Variants in SHISA6 observed in about 807,000 individuals in gnomAD.
SHISA6 encodes shisa family member 6.
In SHISA6, 22 loss-of-function variants were observed where a neutral mutation model predicts 47.9. The observed-to-expected ratio is 0.46, with a 90% CI of 0.33 to 0.66. The LOEUF (loss-of-function observed/expected upper bound fraction) is 0.66. Ranked by LOEUF, SHISA6 falls within the 30% of genes least tolerant of loss-of-function variation. The pLI is 0.02. For synonymous variants in SHISA6, 388 were observed against 337.8 expected (o/e 1.15, Z -1.63); for missense variants, 680 against 764.6 (o/e 0.89, Z 1.30).
intron 3 of SHISA6, among the ~76,000 whole-genome samples, chr17:11,428,786 T>C (rs979393636): frequency 1.4e-5 from 2 of 146,142 alleles, no homozygotes; most frequent in Admixed American, 1.4e-4. Context: ...TTTCTTTTTT[T>C]TTTTTTTTTT....
rs566012582 is a variant in SHISA6, at chr17:11,264,575, C to A, written c.799+1049C>A. On this transcript the variant is annotated intron_variant, in intron 2 of 5. Coordinates refer to ENST00000441885, the MANE Select transcript of SHISA6 (RefSeq NM_207386.4). Reference sequence around the variant, plus strand: ...CCTCTTACTGGTACTAATCCTAGTCCCAGAGAAAGCTTTTACTTTGATGCT... The same window carrying A: ...CCTCTTACTGGTACTAATCCTAGTCACAGAGAAAGCTTTTACTTTGATGCT... 9.9e-5 allele frequency among the ~76,000 whole-genome samples: 15 copies of A among 152,200 alleles called. No homozygotes were observed. In the East Asian group the frequency reaches 2.9e-3, roughly 29 times the overall value.
At chr17:11,260,003 T>C (rs1908166175) in intron 1 of SHISA6, among the ~76,000 whole-genome samples, 1 of 152,216 alleles carries the variant, frequency 6.6e-6, no homozygotes, top group Admixed American at 6.5e-5. Flanking sequence ...AGGGATAGGA[T>C]GGGAATCACA....
intron 5 of SHISA6, among the ~76,000 whole-genome samples, chr17:11,556,352 T>C (rs1398547429): frequency 6.6e-6 from 1 of 152,162 alleles, no homozygotes; most frequent in African/African-American, 2.4e-5. Context: ...CCTGAGATCC[T>C]TCACCTCCCA....
At chr17:11,468,499 T>C (rs1597533400) in intron 3 of SHISA6, among the ~76,000 whole-genome samples, 1 of 151,728 alleles carries the variant, frequency 6.6e-6, no homozygotes, top group Admixed American at 6.6e-5. Flanking sequence ...TGGAGGCTGG[T>C]TTTCATCTGA....
chr17:11,377,425 C>T (rs1229250190), intron 2 of SHISA6, among the ~76,000 whole-genome samples: 4 of 152,142 alleles, frequency 2.6e-5, no homozygotes, highest in African/African-American at 7.2e-5. Context: ...TCCTGATGCA[C>T]GAAGGCATTA....
At chr17:11,272,026 C>T (rs185154894) in intron 2 of SHISA6, among the ~76,000 whole-genome samples, 2 of 152,278 alleles carry the variant, frequency 1.3e-5, no homozygotes, top group Admixed American at 1.3e-4. Context: ...CACTTATCTA[C>T]ACCTGCTGCC....
chr17:11,328,378 T>G (rs1042919972), intron 2 of SHISA6, among the ~76,000 whole-genome samples: 3 of 152,182 alleles, frequency 2.0e-5, no homozygotes, highest in Non-Finnish European at 4.4e-5. Flanking sequence ...GGGGCTAGCC[T>G]TGGAAGCATT....
intron 3 of SHISA6, among the ~76,000 whole-genome samples, chr17:11,391,523 T>C (rs578039726): frequency 6.6e-6 from 1 of 152,144 alleles, no homozygotes; most frequent in South Asian, 2.1e-4. Context: ...GCTGACTCCA[T>C]GGACAGAGAT....
chr17:11,261,912 G>A (rs1054383983), intron 1 of SHISA6, among the ~76,000 whole-genome samples: 2 of 152,204 alleles, frequency 1.3e-5, no homozygotes, highest in African/African-American at 4.8e-5. Flanking sequence ...CAAAGGGATT[G>A]CAGGGTTTTC....
intron 1 of SHISA6, among the ~76,000 whole-genome samples, chr17:11,261,197 T>A (rs1441044266): frequency 6.6e-6 from 1 of 152,144 alleles, no homozygotes; most frequent in African/African-American, 2.4e-5. Flanking sequence ...GAATGAGGGC[T>A]TCCTTCCTAG....
chr17:11,477,276 G>T (rs149349085), intron 3 of SHISA6, among the ~76,000 whole-genome samples: 482 of 152,048 alleles, frequency 3.2e-3, no homozygotes, highest in African/African-American at 0.011. Context: ...TACTGATATA[G>T]TTGGATTAGT....
intron 2 of SHISA6, among the ~76,000 whole-genome samples, chr17:11,335,977 G>T (rs560354928): frequency 2.0e-5 from 3 of 151,874 alleles, no homozygotes; most frequent in Middle Eastern, 3.4e-3. Flanking sequence ...CAGGTGGATT[G>T]TTTGAGGTCA....
chr17:11,456,712 C>T (rs868809448), intron 3 of SHISA6, among the ~76,000 whole-genome samples: 3 of 152,188 alleles, frequency 2.0e-5, no homozygotes, highest in Admixed American at 1.3e-4. Flanking sequence ...GGACCGCCCC[C>T]CTCTGCACAC....
At chr17:11,449,239 C>T (rs1048451890) in intron 3 of SHISA6, among the ~76,000 whole-genome samples, 6 of 151,700 alleles carry the variant, frequency 4.0e-5, no homozygotes, top group African/African-American at 1.2e-4. Flanking sequence ...CTCAGGAGTT[C>T]GAGACCAGCC....
chr17:11,322,776 C>G (rs1313431236), intron 2 of SHISA6, among the ~76,000 whole-genome samples: 1 of 152,112 alleles, frequency 6.6e-6, no homozygotes, highest in Non-Finnish European at 1.5e-5. Flanking sequence ...GTGCATTTAT[C>G]AAGTATCTAA....
chr17:11,439,637 A>C (rs1390725882), intron 3 of SHISA6, among the ~76,000 whole-genome samples: 1 of 152,202 alleles, frequency 6.6e-6, no homozygotes, highest in Non-Finnish European at 1.5e-5. Flanking sequence ...TGCCATCTAC[A>C]AGACGGAGAC....
chr17:11,494,941 G>A (rs2071395768), intron 3 of SHISA6, among the ~76,000 whole-genome samples: 1 of 152,126 alleles, frequency 6.6e-6, no homozygotes, highest in East Asian at 1.9e-4. Context: ...GCCCATCACA[G>A]TACAGCCAAA....
chr17:11,503,309 T>C (rs1365978197), intron 3 of SHISA6, among the ~76,000 whole-genome samples: 3 of 150,844 alleles, frequency 2.0e-5, no homozygotes, highest in African/African-American at 2.4e-5. Flanking sequence ...TGCGAAAACT[T>C]AGCCACCAAA....
At chr17:11,315,683 A>G (rs73295467) in intron 2 of SHISA6, among the ~76,000 whole-genome samples, 1 of 152,114 alleles carries the variant, frequency 6.6e-6, no homozygotes, top group Non-Finnish European at 1.5e-5. Flanking sequence ...ATTATATAAC[A>G]TATTTTGATT....
Sources: gnomAD v4.1 joint callset for allele counts (sites outside exome capture counted in the v4.1 genomes callset) on GRCh38, gnomAD v4.1.1 for gene constraint, MANE v1.5 for transcripts, NCBI Gene and HGNC (gene_info 2026-07-23, HGNC 2026-07-21) for gene names.